The following STOX2 variants were observed in gnomAD, a reference collection of about 807,000 sequenced individuals.
STOX2 encodes storkhead-box protein 2.
In STOX2, 28 loss-of-function variants were observed where a neutral mutation model predicts 60.9. The ratio of observed to expected loss-of-function variants is 0.46; its 90% CI spans 0.34 to 0.63. The LOEUF (loss-of-function observed/expected upper bound fraction) is 0.63. Ranked by LOEUF, STOX2 falls within the 30% of genes least tolerant of loss-of-function variation. The probability of loss-of-function intolerance (pLI) is 0.01; values close to 1 mark genes in which losing one functional copy is unlikely to be tolerated. For missense variants in STOX2, 1,024 were observed against 1,187.7 expected (o/e 0.86, Z 2.03); for synonymous variants, 472 against 463.9 (o/e 1.02, Z -0.22).
intron 1 of STOX2, among the ~76,000 whole-genome samples, chr4:183,851,773 G>A (rs1333452293): frequency 9.8e-6 from 1 of 102,532 alleles, no homozygotes; most frequent in Non-Finnish European, 2.0e-5. Context: ...ATGAGAGAAA[G>A]GATGAGGGAA....
At chr4:183,939,356 G>C (rs1168252428) in intron 1 of STOX2, among the ~76,000 whole-genome samples, 1 of 152,180 alleles carries the variant, frequency 6.6e-6, no homozygotes, top group Non-Finnish European at 1.5e-5. Context: ...GTCTGCCTCT[G>C]TCTTCACAAA....
intron 1 of STOX2, among the ~76,000 whole-genome samples, chr4:183,841,040 GTA>G (rs1410919680): frequency 6.6e-6 from 1 of 152,118 alleles, no homozygotes; most frequent in Non-Finnish European, 1.5e-5. Context: ...GCTAATTTTT[GTA>G]TTTTTAGTAG....
At chr4:183,878,098 T>G (rs990097285) in intron 1 of STOX2, among the ~76,000 whole-genome samples, 2 of 152,166 alleles carry the variant, frequency 1.3e-5, no homozygotes, top group Admixed American at 1.3e-4. Flanking sequence ...GCAGAAAGCT[T>G]GAGGAACCAT....
intron 1 of STOX2, among the ~76,000 whole-genome samples, chr4:183,944,993 C>T (rs199884358): frequency 1.5e-4 from 23 of 152,212 alleles, no homozygotes; most frequent in East Asian, 1.2e-3. Flanking sequence ...TGTAAAAATA[C>T]CAAATATTGT....
chr4:183,846,726 T>A (rs373180372), intron 1 of STOX2, among the ~76,000 whole-genome samples: 120 of 152,302 alleles, frequency 7.9e-4, no homozygotes, highest in African/African-American at 2.7e-3. Flanking sequence ...ATAGTCAATT[T>A]AAAATCTTTG....
At chr4:183,854,139 T>C (rs901304324) in intron 1 of STOX2, among the ~76,000 whole-genome samples, 2 of 152,238 alleles carry the variant, frequency 1.3e-5, no homozygotes, top group African/African-American at 4.8e-5. Context: ...TGTGATGGGT[T>C]GTGTGTTCTT....
intron 1 of STOX2, among the ~76,000 whole-genome samples, chr4:183,925,757 T>C (rs1398769995): frequency 6.6e-6 from 1 of 152,240 alleles, no homozygotes; most frequent in Non-Finnish European, 1.5e-5. Context: ...TTTTATAGAA[T>C]GTTTAATGGA....
In STOX2 at chr4:183,906,780, C is replaced by G; in HGVS notation, c.-11C>G. On this transcript the variant is annotated 5_prime_UTR_variant, in exon 1 of 4. Coordinates refer to ENST00000308497, the MANE Select transcript of STOX2 (RefSeq NM_020225.3). ...CCCCGAGGATCGGGGCGGCAGGTCGCCCTCCCCACCATGAAGAAGACCCGG... is the reference window on the plus strand; with the variant it reads ...CCCCGAGGATCGGGGCGGCAGGTCGGCCTCCCCACCATGAAGAAGACCCGG... The G allele has an allele frequency of 6.6e-7, 1 of 1,518,192 alleles. No individual in the cohort carries two copies. Among genetic ancestry groups the G allele is most frequent in the Non-Finnish European group, 8.9e-7 (1 of 1,128,200 alleles). The allele number at this position is 1,518,192 out of a possible 1,614,324, so 94.0% of individuals were successfully genotyped here.
chr4:183,823,506 G>C (rs538569740), intron 1 of STOX2, among the ~76,000 whole-genome samples: 20 of 152,360 alleles, frequency 1.3e-4, no homozygotes, highest in South Asian at 4.1e-4. Context: ...CACAATAAAA[G>C]ACTTTCCTTC....
chr4:183,872,750 C>T (rs1029599442), intron 1 of STOX2, among the ~76,000 whole-genome samples: 2 of 152,078 alleles, frequency 1.3e-5, no homozygotes, highest in Non-Finnish European at 2.9e-5. Context: ...AAATTGATGG[C>T]TCTGGTCCTC....
At position 183,808,237 on chromosome 4, in the gene STOX2, C is replaced by CAGA. The variant is rs1738953152; in HGVS notation, c.364+10182_364+10183insAGA. On this transcript the variant is annotated intron_variant, in intron 1 of 2. Transcript: ENST00000513034. Reference sequence around the variant, plus strand: ...TCTATCTCATCGGTTAGGGTTACATCTCTCCTGTAGTCTTGTTACAGCGCC... The same window carrying CAGA: ...TCTATCTCATCGGTTAGGGTTACATCAGATCTCCTGTAGTCTTGTTACAGCGCC... 2.0e-5 allele frequency among the ~76,000 whole-genome samples: 3 copies of CAGA among 152,230 alleles called. No individual in the cohort carries two copies. The South Asian group carries it at 6.2e-4, about 32-fold the overall frequency.
chr4:183,919,250 G>A (rs1022240787), intron 1 of STOX2, among the ~76,000 whole-genome samples: 5 of 152,212 alleles, frequency 3.3e-5, no homozygotes, highest in East Asian at 1.9e-4. Flanking sequence ...TGCCAGAGGC[G>A]TAGTGAATAG....
At chr4:183,858,927 C>A (rs904121748) in intron 1 of STOX2, among the ~76,000 whole-genome samples, 1 of 152,054 alleles carries the variant, frequency 6.6e-6, no homozygotes, top group African/African-American at 2.4e-5. Flanking sequence ...CTGTACACAC[C>A]GCCCCTAAGT....
At chr4:183,999,916 G>A (rs1733512729) in intron 1 of STOX2, among the ~76,000 whole-genome samples, 1 of 152,156 alleles carries the variant, frequency 6.6e-6, no homozygotes, top group Admixed American at 6.5e-5. Flanking sequence ...GCCGACCTGA[G>A]TCTCGGTTTT....
chr4:183,881,066 G>C (rs976352120), intron 1 of STOX2, among the ~76,000 whole-genome samples: 9 of 152,154 alleles, frequency 5.9e-5, no homozygotes, highest in African/African-American at 1.9e-4. Context: ...GAGCCTTTCT[G>C]CCTTCAATGA....
At chr4:183,887,941 C>T (rs1390180321) in intron 1 of STOX2, among the ~76,000 whole-genome samples, 2 of 152,112 alleles carry the variant, frequency 1.3e-5, no homozygotes, top group African/African-American at 4.8e-5. Flanking sequence ...TTGGTAGAGA[C>T]AGGGTATCAA....
intron 2 of STOX2, among the ~76,000 whole-genome samples, chr4:184,007,733 A>C (rs555337338): frequency 3.9e-5 from 6 of 152,282 alleles, no homozygotes; most frequent in South Asian, 2.1e-4. Context: ...GAGAGCTGTG[A>C]GGGCCCTGTC....
At chr4:183,884,481 A>C (rs542189698) in intron 1 of STOX2, among the ~76,000 whole-genome samples, 1 of 152,286 alleles carries the variant, frequency 6.6e-6, no homozygotes, top group South Asian at 2.1e-4. Context: ...CTGTTTTAAA[A>C]GGAAGAACAA....
chr4:183,912,679 C>A (rs1332266036), intron 1 of STOX2, among the ~76,000 whole-genome samples: 1 of 152,166 alleles, frequency 6.6e-6, no homozygotes, highest in Non-Finnish European at 1.5e-5. Flanking sequence ...GTTTACAACC[C>A]ATGTGTGTCT....
Sources: gnomAD v4.1 joint callset for allele counts (sites outside exome capture counted in the v4.1 genomes callset) on GRCh38, gnomAD v4.1.1 for gene constraint, MANE v1.5 for transcripts, NCBI Gene and HGNC (gene_info 2026-07-23, HGNC 2026-07-21) for gene names.